Variants in ARHGAP35 observed in about 807,000 individuals in gnomAD.
ARHGAP35 encodes Rho GTPase activating protein 35.
A neutral mutation model predicts 111.1 loss-of-function variants in ARHGAP35; 15 were observed. That is an observed-to-expected ratio of 0.13 (90% CI 0.09 to 0.21). The LOEUF is 0.21. Among genes scored for constraint, ARHGAP35 ranks in the 10% least tolerant of loss-of-function variants. The probability of loss-of-function intolerance (pLI) is 1.00; values close to 1 mark genes in which losing one functional copy is unlikely to be tolerated. For synonymous variants in ARHGAP35, 643 were observed against 710.3 expected, an observed-to-expected ratio of 0.91 and a Z score of 1.51; for missense variants, 1,262 against 1,873.0, an observed-to-expected ratio of 0.67 and a Z score of 6.02.
chr19:46,982,674 C>T (rs2056627235), intron 3 of ARHGAP35, among the ~76,000 whole-genome samples: 1 of 152,070 alleles, frequency 6.6e-6, no homozygotes, highest in South Asian at 2.1e-4. Context: ...AGCTCTGGCA[C>T]ATCTTCTAGA....
intron 1 of ARHGAP35, among the ~76,000 whole-genome samples, chr19:46,870,845 TA>T (rs201735202): frequency 1.4e-4 from 21 of 151,240 alleles, no homozygotes; most frequent in Non-Finnish European, 2.8e-4. Context: ...AGTTTTTTCT[TA>T]AAAAAAAATA....
chr19:46,893,157 C>T (rs1350788067), intron 1 of ARHGAP35, among the ~76,000 whole-genome samples: 2 of 152,004 alleles, frequency 1.3e-5, no homozygotes. Flanking sequence ...GTGAATTCTG[C>T]GGGGGAGCTT....
At position 46,937,344 on chromosome 19, in the gene ARHGAP35, C is replaced by A; in HGVS notation, c.3762C>A (p.Val1254=). The A allele has an allele frequency of 1.9e-6, 3 of 1,613,916 alleles. No homozygotes were observed. Among genetic ancestry groups the A allele is most frequent in the South Asian group, 2.2e-5 (2 of 91,076 alleles). ...SNYFGVPLTT[V]VTPEKPIPIF... ...ATTTTGGGGTGCCCTTAACAACTGT[C>A]GTGACTCCAGAGAAGCCGATCCCCA... Residue 1254 remains valine, a synonymous_variant, in exon 3 of 7, where the codon GTC becomes GTA. Transcript: ENST00000672722.
At position 46,861,154 on chromosome 19, in the gene ARHGAP35, C is replaced by A. The variant is rs2055824053; in HGVS notation, c.-244C>A. 6.6e-6 allele frequency among the ~76,000 whole-genome samples: 1 copy of A among 151,656 alleles called. No individual in the cohort carries two copies. ...AGCAGGGGAACATGGCGCCGGGGCCCCCGTCGTTGCTGCCGGGATTTTGGA... is the reference window on the plus strand; with the variant it reads ...AGCAGGGGAACATGGCGCCGGGGCCACCGTCGTTGCTGCCGGGATTTTGGA... On this transcript the variant is annotated 5_prime_UTR_variant, in exon 1 of 7. Transcript: ENST00000672722.
chr19:46,864,373 A>G (rs900060586), intron 1 of ARHGAP35, among the ~76,000 whole-genome samples: 18 of 151,922 alleles, frequency 1.2e-4, no homozygotes, highest in African/African-American at 4.1e-4. Flanking sequence ...TATTTATTTT[A>G]TTTCTTAAGT....
At chr19:46,947,750 C>G (rs2056388149) in intron 3 of ARHGAP35, 2 of 152,222 alleles carry the variant, frequency 1.3e-5, no homozygotes, top group South Asian at 4.1e-4. Flanking sequence ...CCCCAGACAC[C>G]AGTTGCAAGT....
chr19:46,951,537 A>G (rs1193962526), intron 3 of ARHGAP35, among the ~76,000 whole-genome samples: 2 of 152,158 alleles, frequency 1.3e-5, no homozygotes, highest in Non-Finnish European at 2.9e-5. Context: ...GCTGCTTACA[A>G]GCAAATATTT....
At chr19:46,875,818 G>A (rs569577579) in intron 1 of ARHGAP35, among the ~76,000 whole-genome samples, 1 of 152,264 alleles carries the variant, frequency 6.6e-6, no homozygotes, top group South Asian at 2.1e-4. Context: ...AGTGGCACAT[G>A]CTATTGATTT....
At chr19:46,886,667 G>A (rs531077724) in intron 1 of ARHGAP35, among the ~76,000 whole-genome samples, 10 of 152,274 alleles carry the variant, frequency 6.6e-5, no homozygotes, top group African/African-American at 2.4e-4. Flanking sequence ...GATGGAGGAG[G>A]CTTAGAATGC....
intron 1 of ARHGAP35, among the ~76,000 whole-genome samples, chr19:46,902,767 T>C (rs2122169620): frequency 6.6e-6 from 1 of 152,182 alleles, no homozygotes; most frequent in South Asian, 2.1e-4. Flanking sequence ...AATAAGACAG[T>C]AGAGGAATAT....
At position 46,920,676 on chromosome 19, in the gene ARHGAP35, A is replaced by G; in HGVS notation, c.2001A>G (p.Ser667=). The change falls in exon 2 of 7, where the codon TCA becomes TCG. Residue 667 remains serine, a synonymous_variant. Transcript: ENST00000672722. The surrounding 1 kb of genome is among the most constrained non-coding windows in gnomAD (Gnocchi z 7.0). ...ACGGCTGTCTCTGCCTTTACAATTC[A>G]AAGGAATCGCTATCCTATGTAGTGG... The part of the protein sequence containing the change: ...QPHGCLCLYN[S]KESLSYVVES... 6.2e-7 allele frequency: 1 copy of G among 1,613,966 alleles called. No homozygotes were observed. The highest frequency in any genetic ancestry group is 1.3e-5 in the African/African-American group (1 of 75,054).
At chr19:46,932,227 A>G (rs1030744481) in intron 2 of ARHGAP35, among the ~76,000 whole-genome samples, 1 of 152,238 alleles carries the variant, frequency 6.6e-6, no homozygotes, top group Admixed American at 6.5e-5. Flanking sequence ...GGTTGTAGTG[A>G]GCCAAGATTG....
chr19:46,880,673 ATTTTAT>A (rs1169362238), intron 1 of ARHGAP35, among the ~76,000 whole-genome samples: 3 of 151,476 alleles, frequency 2.0e-5, no homozygotes, highest in Non-Finnish European at 2.9e-5. Context: ...TTTTTATTTT[ATTTTAT>A]TTTTATTTTT....
chr19:46,899,433 G>T (rs1054628879), intron 1 of ARHGAP35, among the ~76,000 whole-genome samples: 1 of 152,162 alleles, frequency 6.6e-6, no homozygotes, highest in Non-Finnish European at 1.5e-5. Context: ...GGTAGCTCAC[G>T]CCTGTAATCC....
At position 46,945,456 on chromosome 19, in the gene ARHGAP35, C is replaced by T. The variant is rs2056373931; in HGVS notation, c.3826+8048C>T. On this transcript the variant is annotated intron_variant, in intron 3 of 6. Coordinates refer to ENST00000672722, the MANE Select transcript of ARHGAP35 (RefSeq NM_004491.5). The surrounding 1 kb of genome is among the most constrained non-coding windows in gnomAD (Gnocchi z 4.1). ...ACTTTTAGAGCTGGCTCACAATCCT[C>T]CTGAGAATAATTTCTCAGGGTAAAG... Among the ~76,000 whole-genome samples the T allele has an allele frequency of 6.6e-6, 1 of 152,072 alleles. No individual in the cohort carries two copies. Among genetic ancestry groups the T allele is most frequent in the Non-Finnish European group, 1.5e-5 (1 of 68,026 alleles).
chr19:46,913,298 C>T (rs1039446160), intron 1 of ARHGAP35, among the ~76,000 whole-genome samples: 9 of 151,160 alleles, frequency 6.0e-5, no homozygotes, highest in Admixed American at 5.3e-4. Flanking sequence ...AAGAGTGATA[C>T]ACACACTTCC....
chr19:46,981,946 C>T (rs545667660), intron 3 of ARHGAP35, among the ~76,000 whole-genome samples: 21 of 152,264 alleles, frequency 1.4e-4, no homozygotes, highest in South Asian at 6.2e-4. Flanking sequence ...CTCAACCTCC[C>T]AGGCTCAAAT....
Position 46,942,286 on chromosome 19 carries a change from TCA to T in ARHGAP35, c.3826+4879_3826+4880del, listed in dbSNP as rs2056351936. Among the ~76,000 whole-genome samples, 9 of 152,320 alleles carry T rather than the reference TCA, an allele frequency of 5.9e-5. No individual in the cohort carries two copies. The South Asian group carries it at 1.9e-3, about 32-fold the overall frequency. ...ACACATATATTTATTTTCACATAAT[TCA>T]GAGTATGAGGTAAGCTAGCTTTCAA... On this transcript the variant is annotated intron_variant, in intron 3 of 6. Transcript: ENST00000672722.
chr19:46,981,446 T>C (rs1295036948), intron 3 of ARHGAP35, among the ~76,000 whole-genome samples: 3 of 152,220 alleles, frequency 2.0e-5, no homozygotes, highest in South Asian at 4.1e-4. Context: ...AGTATTGATG[T>C]GTTGCTAGAA....
Sources: allele counts gnomAD v4.1 joint callset (sites outside exome capture counted in the v4.1 genomes callset), GRCh38; gene constraint gnomAD v4.1.1; non-coding constraint Gnocchi (gnomAD v3.1); transcripts MANE v1.5; gene names NCBI Gene and HGNC (gene_info 2026-07-23, HGNC 2026-07-21).